The following BCL9 variants were observed in gnomAD, a reference collection of about 807,000 sequenced individuals.
BCL9 encodes BCL9 transcription coactivator.
BCL9 carries 25 observed loss-of-function variants against 88.5 expected under a neutral mutation model. The ratio of observed to expected loss-of-function variants is 0.28; its 90% CI spans 0.21 to 0.39. The LOEUF is 0.39. BCL9 is among the 10% of genes least tolerant of loss of function. The probability of loss-of-function intolerance (pLI) is 1.00; values close to 1 mark genes in which losing one functional copy is unlikely to be tolerated. For synonymous variants in BCL9, 711 were observed against 673.3 expected, an observed-to-expected ratio of 1.06 and a Z score of -0.87; for missense variants, 1,817 against 1,877.8, an observed-to-expected ratio of 0.97 and a Z score of 0.60.
At chr1:147,544,016 G>A (rs1553194045) in intron 1 of BCL9, among the ~76,000 whole-genome samples, 1 of 152,152 alleles carries the variant, frequency 6.6e-6, no homozygotes, top group African/African-American at 2.4e-5. Flanking sequence ...ATTCATTCAT[G>A]TATTCATTTG....
At position 147,541,634 on chromosome 1, in the gene BCL9, G is replaced by A. The variant is rs1489189089; in HGVS notation, c.-518G>A. ...TGTCTTCATTCACTTTCCCCCCTCA[G>A]TTTCTGAAATGATTCTCCAGAATTT... On this transcript the variant is annotated 5_prime_UTR_variant, in exon 1 of 10. Transcript: ENST00000234739. 2 of 152,036 alleles carry A rather than the reference G, an allele frequency of 1.3e-5. No homozygotes were observed. Among genetic ancestry groups the A allele is most frequent in the African/African-American group, 4.8e-5 (2 of 41,352 alleles). The allele number at this position is 152,036 out of a possible 1,614,324, so 9.4% of individuals were successfully genotyped here.
intron 1 of BCL9, among the ~76,000 whole-genome samples, chr1:147,561,000 G>A (rs74887628): frequency 0.019 from 2,934 of 152,228 alleles, 49 homozygotes; most frequent in Non-Finnish European, 0.034. Flanking sequence ...CAAATGTTAC[G>A]CCCATTTTCT....
chr1:147,547,550 G>GA (rs34559192), intron 1 of BCL9, among the ~76,000 whole-genome samples: 4 of 151,960 alleles, frequency 2.6e-5, no homozygotes, highest in African/African-American at 4.8e-5. Context: ...TTCTCATCTG[G>GA]AAAAAAATAG....
intron 7 of BCL9, among the ~76,000 whole-genome samples, chr1:147,618,306 C>T (rs912909033): frequency 1.3e-5 from 2 of 152,144 alleles, no homozygotes; most frequent in Non-Finnish European, 2.9e-5. Flanking sequence ...GCTGCTTCCT[C>T]GGCTGGTAGA....
rs1658158415 is a variant in BCL9 at position 147,614,373 on chromosome 1, G to A, written c.371-54G>A. 5.1e-6 allele frequency: 8 copies of A among 1,565,974 alleles called. No individual in the cohort carries two copies. The Admixed American group carries it at 1.2e-4, about 23-fold the overall frequency. ...TTTGTGTTGTGATGCTATATATGCT[G>A]GCAGAAGAAAGGAAATTTTATTCTT... On this transcript the variant is annotated intron_variant, in intron 5 of 9. Coordinates refer to ENST00000234739, the MANE Select transcript of BCL9 (RefSeq NM_004326.4).
chr1:147,598,420 A>G (rs1329426896), intron 1 of BCL9, among the ~76,000 whole-genome samples: 2 of 152,232 alleles, frequency 1.3e-5, no homozygotes, highest in Non-Finnish European at 2.9e-5. Context: ...GGAGGCGGCT[A>G]TGGTAACTTA....
chr1:147,591,577 T>C (rs1553199909), intron 1 of BCL9, among the ~76,000 whole-genome samples: 1 of 152,184 alleles, frequency 6.6e-6, no homozygotes, highest in South Asian at 2.1e-4. Flanking sequence ...CACATGCACA[T>C]ACTAAATACT....
In BCL9 at chr1:147,625,755, C is replaced by T. The variant is rs1658912688; in HGVS notation, c.*796C>T. 1 of 233,276 alleles carries T rather than the reference C, an allele frequency of 4.3e-6. No individual in the cohort carries two copies. Among genetic ancestry groups the T allele is most frequent in the South Asian group, 1.8e-4 (1 of 5,530 alleles). 14.5% of individuals were successfully genotyped at this position (233,276 alleles called of 1,614,324 possible). ...GCTCTGTCTCCTCAGTTAAGTGTTT[C>T]CTTCCTTTGTGCCCCCCGCTGGTGA... is the stretch of plus-strand genomic sequence containing the variant. On this transcript the variant is annotated 3_prime_UTR_variant, in exon 10 of 10. Transcript: ENST00000234739.
chr1:147,558,590 G>A (rs1261067033), intron 1 of BCL9, among the ~76,000 whole-genome samples: 1 of 152,082 alleles, frequency 6.6e-6, no homozygotes, highest in East Asian at 1.9e-4. Context: ...GTTGGTCCTG[G>A]TTCTATCTGT....
At chr1:147,563,439 T>G (rs1655472887) in intron 1 of BCL9, among the ~76,000 whole-genome samples, 1 of 152,130 alleles carries the variant, frequency 6.6e-6, no homozygotes, top group Non-Finnish European at 1.5e-5. Context: ...ATAACAACAT[T>G]CAGGTAGACA....
At chr1:147,614,342 G>A (rs1189747901) in intron 5 of BCL9, 85 bp from the exon 6 acceptor site, 2 of 1,345,270 alleles carry the variant, frequency 1.5e-6, no homozygotes, top group Non-Finnish European at 2.1e-6. Flanking sequence ...AAATTCTCAA[G>A]GTGGGTTTGT....
intron 3 of BCL9, among the ~76,000 whole-genome samples, chr1:147,610,332 G>T (rs190284671): frequency 6.6e-6 from 1 of 152,174 alleles, no homozygotes; most frequent in East Asian, 1.9e-4. Context: ...TATTTAAAAA[G>T]GAAAAAATTT....
At position 147,624,808 on chromosome 1, in the gene BCL9, C is replaced by T; in HGVS notation, c.4130C>T (p.Ser1377Phe). 1 of 1,614,098 alleles carries T rather than the reference C, an allele frequency of 6.2e-7. No homozygotes were observed. The highest frequency in any genetic ancestry group is 8.5e-7 in the Non-Finnish European group (1 of 1,180,012). ...TACACCCACCCTGGGCCTGTGGGCT[C>T]TCCAGGCATGATGATGTCCATGCAG... Reference protein sequence around the residue: ...GLYTHPGPVGSPGMMMSMQGM... With the variant: ...GLYTHPGPVGFPGMMMSMQGM... Residue 1377 changes from serine (S) to phenylalanine (F), a missense_variant, in exon 10 of 10, where the codon TCT becomes TTT. By Grantham distance (155) the Ser-to-Phe change is radical. This residue lies in a region of BCL9 where 589 missense variants were observed against 686.2 expected (regional missense o/e 0.86). Transcript: ENST00000234739. The surrounding 1 kb of genome is among the most constrained non-coding windows in gnomAD (Gnocchi z 4.4).
rs782221091 is a variant in BCL9, at chr1:147,620,222, T to C, written c.2067T>C (p.Ser689=). The C allele has an allele frequency of 2.5e-6, 4 of 1,614,066 alleles. No homozygotes were observed. In the Admixed American group the frequency reaches 5.0e-5, roughly 20 times the overall value. The change falls in exon 8 of 10, where the codon TCT becomes TCC. Residue 689 remains serine, a synonymous_variant. Coordinates refer to ENST00000234739, the MANE Select transcript of BCL9 (RefSeq NM_004326.4). ...RIPVEGPLSP[S]RGDFPKGIPP... ...CAGTTGAGGGCCCTCTGAGTCCTTC[T>C]AGGGGTGACTTTCCAAAAGGAATTC... is the stretch of plus-strand genomic sequence containing the variant.
At chr1:147,576,099 C>A (rs1238625846) in intron 1 of BCL9, among the ~76,000 whole-genome samples, 1 of 152,016 alleles carries the variant, frequency 6.6e-6, no homozygotes, top group East Asian at 1.9e-4. Context: ...GGAGCCAATG[C>A]CTTTGACCCT....
chr1:147,577,623 T>A (rs1439541177), intron 1 of BCL9, among the ~76,000 whole-genome samples: 1 of 152,186 alleles, frequency 6.6e-6, no homozygotes, highest in Non-Finnish European at 1.5e-5. Flanking sequence ...ATATAACCAC[T>A]AGAGCTGGAA....
At chr1:147,600,940 T>A (rs1204972222) in intron 1 of BCL9, among the ~76,000 whole-genome samples, 2 of 152,160 alleles carry the variant, frequency 1.3e-5, no homozygotes, top group African/African-American at 4.8e-5. Flanking sequence ...CTTTGAAAGT[T>A]GCAAAGACTA....
chr1:147,611,137 T>C (rs1553202544), intron 3 of BCL9, among the ~76,000 whole-genome samples: 1 of 152,172 alleles, frequency 6.6e-6, no homozygotes, highest in African/African-American at 2.4e-5. Context: ...GGTTGTTTCA[T>C]TTCAGTGCTG....
intron 1 of BCL9, among the ~76,000 whole-genome samples, chr1:147,577,140 C>G (rs1656146429): frequency 6.6e-6 from 1 of 152,062 alleles, no homozygotes; most frequent in Non-Finnish European, 1.5e-5. Flanking sequence ...GACAAGCCTA[C>G]AGATAAACTG....
Sources: allele counts gnomAD v4.1 joint callset (sites outside exome capture counted in the v4.1 genomes callset), GRCh38; gene constraint gnomAD v4.1.1; regional missense constraint gnomAD v4.1.1; non-coding constraint Gnocchi (gnomAD v3.1); transcripts MANE v1.5; gene names NCBI Gene and HGNC (gene_info 2026-07-23, HGNC 2026-07-21).